Variants in SATL1 observed in about 807,000 individuals in gnomAD.
SATL1 encodes spermidine/spermine N1-acetyl transferase like 1.
A neutral mutation model predicts 51.8 loss-of-function variants in SATL1; 47 were observed. That is an observed-to-expected ratio of 0.91 (90% CI 0.72 to 1.16). The LOEUF (loss-of-function observed/expected upper bound fraction) is 1.16. Among genes scored for constraint, SATL1 ranks in the 50% most tolerant of loss-of-function variants. The pLI is 0.00. For missense variants in SATL1, 520 were observed against 526.4 expected (o/e 0.99, Z 0.12); for synonymous variants, 176 against 182.4 (o/e 0.97, Z 0.28).
chrX:85,107,976 C>T lies in SATL1; in HGVS notation c.993G>A (p.Met331Ile). 1 of 1,211,031 alleles carries T rather than the reference C, an allele frequency of 8.3e-7. No individual in the cohort carries two copies. Among genetic ancestry groups the T allele is most frequent in the Non-Finnish European group, 1.1e-6 (1 of 895,350 alleles). The change falls in exon 3 of 8, where the codon ATG (methionine) becomes ATA (isoleucine). Residue 331 changes from methionine (M) to isoleucine (I), a missense_variant. Met to Ile is a conservative substitution (Grantham distance 10). Transcript: ENST00000644105. The part of the protein sequence containing the change: ...TWQLGRSQPG[M>I]WPQSLSELVL... ...CTAGTTCGCTCAGGCTTTGTGGCCACATGCCTGGTTGGCTCCTACCTAATT... is the reference window on the plus strand; with the variant it reads ...CTAGTTCGCTCAGGCTTTGTGGCCATATGCCTGGTTGGCTCCTACCTAATT...
intron 2 of SATL1, among the ~76,000 whole-genome samples, chrX:85,151,854 A>G (rs766632617): frequency 3.6e-5 from 4 of 112,179 alleles, no homozygotes; most frequent in Non-Finnish European, 7.5e-5. Flanking sequence ...ACCTAAAACC[A>G]TAAAAACCCT....
chrX:85,108,109 T>C lies in SATL1; in HGVS notation c.860A>G (p.Asn287Ser), dbSNP rs764946619. 8.3e-7 allele frequency: 1 copy of C among 1,209,980 alleles called. No homozygotes were observed. The highest frequency in any genetic ancestry group is 2.2e-5 in the Admixed American group (1 of 45,775). Residue 287 changes from asparagine to serine, a missense_variant, in exon 3 of 8, where the codon AAC (asparagine) becomes AGC (serine). Asn to Ser is a conservative substitution (Grantham distance 46). This residue lies in a region of SATL1 where 488 missense variants were observed against 474.3 expected (regional missense o/e 1.03). Transcript: ENST00000644105. ...NQWSASLYEM[N>S]QVDMKQPSMS... ...GCTTGGTTGTTTCATGTCCACTTGGTTCATTTCATATAGGCTTGCACTCCA... is the reference window on the plus strand; with the variant it reads ...GCTTGGTTGTTTCATGTCCACTTGGCTCATTTCATATAGGCTTGCACTCCA...
chrX:85,142,049 T>TAA (rs1555956646), intron 2 of SATL1, among the ~76,000 whole-genome samples: 9 of 104,518 alleles, frequency 8.6e-5, no homozygotes, highest in African/African-American at 2.8e-4. Context: ...CTAATAATAT[T>TAA]AAGTACATAC....
intron 2 of SATL1, among the ~76,000 whole-genome samples, chrX:85,150,345 T>C (rs1926392344): frequency 9.2e-6 from 1 of 108,850 alleles, no homozygotes; most frequent in East Asian, 2.9e-4. Flanking sequence ...CCAAAAAGAG[T>C]CCAGGACCAG....
At position 85,094,952 on chromosome X, in the gene SATL1, G is replaced by T; in HGVS notation, c.1738C>A (p.Leu580Met). The change falls in exon 5 of 8, where the codon CTG (leucine) becomes ATG (methionine). Residue 580 changes from leucine to methionine, a missense_variant. Leu to Met is a conservative substitution (Grantham distance 15). Transcript: ENST00000644105. ...TGTTGATCGTTTACTTCTGCAATCA[G>T]GCAGTAGAAAAGGGGATTGTCCCCA... ...GFGDNPLFYC[L>M]IAEVNDQQKP... 1 of 1,186,647 alleles carries T rather than the reference G, an allele frequency of 8.4e-7. No individual in the cohort carries two copies. The highest frequency in any genetic ancestry group is 1.1e-6 in the Non-Finnish European group (1 of 874,747).
At position 85,092,448 on chromosome X, in the gene SATL1, G is replaced by A; in HGVS notation, c.2031C>T (p.Gly677=). 3 of 1,199,249 alleles carry A rather than the reference G, an allele frequency of 2.5e-6. No homozygotes were observed. The South Asian group carries it at 5.5e-5, about 22-fold the overall frequency. Residue 677 remains glycine, a synonymous_variant, in exon 8 of 8, where the codon GGC becomes GGT. Coordinates refer to ENST00000644105, the MANE Select transcript of SATL1 (RefSeq NM_001367857.2). ...RGALDLSSEE[G]WHLFRFNREE... ...CTCTGTTAAACCTGAAGAGATGCCA[G>A]CCCTCCTCAGAGGAAAGGTCTAAAG...
At chrX:85,146,456 A>G (rs1342651170) in intron 2 of SATL1, among the ~76,000 whole-genome samples, 1 of 111,812 alleles carries the variant, frequency 8.9e-6, no homozygotes, top group Non-Finnish European at 1.9e-5. Flanking sequence ...CTCTATAAAT[A>G]CATACACCTC....
chrX:85,113,930 A>G (rs1925322771), intron 2 of SATL1, among the ~76,000 whole-genome samples: 1 of 111,436 alleles, frequency 9.0e-6, no homozygotes, highest in African/African-American at 3.3e-5. Flanking sequence ...TTCTTTACTT[A>G]CCACAGGTTA....
In SATL1 at chrX:85,234,968, A is replaced by C. The variant is rs773675450; in HGVS notation, c.-435+8620T>G. Among the ~76,000 whole-genome samples, 5 of 111,508 alleles carry C rather than the reference A, an allele frequency of 4.5e-5. No homozygotes were observed. In the South Asian group the frequency reaches 1.9e-3, roughly 42 times the overall value. The stretch of plus-strand genomic sequence containing the variant: ...AACAAGACCCAACAATCTGCTGCTT[A>C]TAAGAATCAAACTGCACCCATAAAG... On this transcript the variant is annotated intron_variant, in intron 1 of 7. Transcript: ENST00000644105.
In SATL1 at chrX:85,144,563, G is replaced by A. The variant is rs759850241; in HGVS notation, c.-312-35283C>T. 6.1e-4 allele frequency among the ~76,000 whole-genome samples: 68 copies of A among 112,027 alleles called. 1 individual carries two copies. Among genetic ancestry groups the A allele is most frequent in the Non-Finnish European group, 1.1e-3 (60 of 53,253 alleles). On this transcript the variant is annotated intron_variant, in intron 2 of 7. Coordinates refer to ENST00000644105, the MANE Select transcript of SATL1 (RefSeq NM_001367857.2). ...TAGTTTTCCTTTTCTTGGAATTGCA[G>A]TTTCTGTGCATGTTTATAGGTCCTG... is the stretch of plus-strand genomic sequence containing the variant.
At chrX:85,159,107 T>A (rs762667526) in intron 2 of SATL1, among the ~76,000 whole-genome samples, 1 of 111,760 alleles carries the variant, frequency 8.9e-6, no homozygotes, top group Non-Finnish European at 1.9e-5. Context: ...ATTGTGATAA[T>A]CTCCAGCCCT....
At chrX:85,145,451 T>C (rs1216080052) in intron 2 of SATL1, among the ~76,000 whole-genome samples, 2 of 112,079 alleles carry the variant, frequency 1.8e-5, no homozygotes, top group African/African-American at 6.5e-5. Context: ...TACTGTATAA[T>C]AGGCCATTTT....
chrX:85,235,607 G>T (rs1309306303), intron 1 of SATL1, among the ~76,000 whole-genome samples: 1 of 111,032 alleles, frequency 9.0e-6, no homozygotes. Context: ...ACAAAGAAAT[G>T]AAGAAGGAAA....
At chrX:85,111,580 TA>T (rs1174287473) in intron 2 of SATL1, among the ~76,000 whole-genome samples, 1 of 112,427 alleles carries the variant, frequency 8.9e-6, no homozygotes, top group Non-Finnish European at 1.9e-5. Flanking sequence ...ACCAAAAATC[TA>T]AGAAATATTG....
intron 2 of SATL1, among the ~76,000 whole-genome samples, chrX:85,134,935 A>C (rs1199766143): frequency 8.9e-6 from 1 of 112,028 alleles, no homozygotes; most frequent in Non-Finnish European, 1.9e-5. Context: ...ATTTAAAAGT[A>C]ACAGTGACAT....
rs1030327990 is a variant in SATL1 at position 85,109,111 on chromosome X, T to G, written c.-143A>C. On this transcript the variant is annotated 5_prime_UTR_variant, in exon 3 of 8. Transcript: ENST00000644105. Reference sequence around the variant, plus strand: ...GGAGGTTGTTGGCTGTTCCCAGTTCTTCTCAATTTGATTCGCCCACTTTGA... The same window carrying G: ...GGAGGTTGTTGGCTGTTCCCAGTTCGTCTCAATTTGATTCGCCCACTTTGA... 1.8e-6 allele frequency: 1 copy of G among 552,256 alleles called. No individual in the cohort carries two copies. Among genetic ancestry groups the G allele is most frequent in the Non-Finnish European group, 2.8e-6 (1 of 353,201 alleles). 45.5% of individuals were successfully genotyped at this position (552,256 alleles called of 1,213,427 possible).
intron 2 of SATL1, among the ~76,000 whole-genome samples, chrX:85,223,632 A>T (rs767779096): frequency 9.0e-6 from 1 of 111,164 alleles, no homozygotes; most frequent in East Asian, 2.8e-4. Flanking sequence ...CCAGAAACCC[A>T]GGCTTGCTGA....
chrX:85,181,999 A>C (rs1472151644), intron 2 of SATL1, among the ~76,000 whole-genome samples: 1 of 111,682 alleles, frequency 9.0e-6, no homozygotes, highest in Non-Finnish European at 1.9e-5. Context: ...ATATTTATGG[A>C]GTACACAGTG....
chrX:85,203,298 A>G (rs770811873), intron 2 of SATL1, among the ~76,000 whole-genome samples: 2 of 111,265 alleles, frequency 1.8e-5, no homozygotes, highest in African/African-American at 6.5e-5. Flanking sequence ...GAAGAATGGG[A>G]AAGGCACCCA....
Sources: gnomAD v4.1 joint callset for allele counts (sites outside exome capture counted in the v4.1 genomes callset) on GRCh38, gnomAD v4.1.1 for gene constraint, gnomAD v4.1.1 regional missense constraint, MANE v1.5 for transcripts, NCBI Gene and HGNC (gene_info 2026-07-23, HGNC 2026-07-21) for gene names.